IL1RAPL1: variants seen among roughly 807,000 people sequenced by gnomAD.
IL1RAPL1 encodes interleukin-1 receptor accessory protein-like 1.
IL1RAPL1 carries 3 observed loss-of-function variants against 48.4 expected under a neutral mutation model. The observed-to-expected ratio is 0.06, with a 90% CI of 0.03 to 0.16. The LOEUF is 0.16. IL1RAPL1 is among the 10% of genes least tolerant of loss of function. IL1RAPL1 has a pLI of 1.00. For missense variants in IL1RAPL1, 349 were observed against 530.6 expected (o/e 0.66, Z 3.36); for synonymous variants, 185 against 187.7 (o/e 0.99, Z 0.12).
chrX:29,293,594 G>T (rs900507285), intron 3 of IL1RAPL1, among the ~76,000 whole-genome samples: 1 of 111,425 alleles, frequency 9.0e-6, no homozygotes, highest in African/African-American at 3.3e-5. Context: ...TAGGTCAAAT[G>T]AATCACCATA....
rs202166358 is a variant in IL1RAPL1, at chrX:29,080,996, C to CTTTCTTTCTT, written c.83-201941_83-201940insTTCTTTCTTT. Among the ~76,000 whole-genome samples the CTTTCTTTCTT allele has an allele frequency of 8.3e-3, 353 of 42,300 alleles. 3 individuals are homozygous for CTTTCTTTCTT. The highest frequency in any genetic ancestry group is 0.026 in the African/African-American group (237 of 8,948). The allele number at this position is 42,300 out of a possible 115,157, so 36.7% of individuals were successfully genotyped here. A position where few individuals can be genotyped will look rare whatever the true frequency, so the allele number is the denominator to read the frequency against. ...TCTTTCTTTCTTTCTTTCTTTCTTTCTCTCTCTCTCTCTCTCTCTCTCTCT... is the reference window on the plus strand; with the variant it reads ...TCTTTCTTTCTTTCTTTCTTTCTTTCTTTCTTTCTTTCTCTCTCTCTCTCTCTCTCTCTCT... On this transcript the variant is annotated intron_variant, in intron 2 of 10. Coordinates refer to ENST00000378993, the MANE Select transcript of IL1RAPL1 (RefSeq NM_014271.4).
intron 5 of IL1RAPL1, among the ~76,000 whole-genome samples, chrX:29,480,401 C>A (rs889487937): frequency 9.6e-6 from 1 of 104,546 alleles, no homozygotes; most frequent in South Asian, 4.4e-4. Context: ...AAAGAATGTG[C>A]CATCTTGGCC....
chrX:29,672,845 G>A (rs1432085908), intron 6 of IL1RAPL1, among the ~76,000 whole-genome samples: 1 of 111,954 alleles, frequency 8.9e-6, no homozygotes. Flanking sequence ...TCATTGTTAA[G>A]CTTGTTAAAA....
chrX:28,588,933 C>T (rs754560659), intron 1 of IL1RAPL1, among the ~76,000 whole-genome samples: 2 of 112,006 alleles, frequency 1.8e-5, no homozygotes, highest in East Asian at 5.6e-4. Flanking sequence ...CAATTAATTA[C>T]ATACTTCCCC....
At chrX:29,359,249 TCAAGTCACTCATAGTTTGTCTA>T (rs1431485794) in intron 3 of IL1RAPL1, among the ~76,000 whole-genome samples, 5 of 111,817 alleles carry the variant, frequency 4.5e-5, no homozygotes, top group African/African-American at 1.6e-4. Context: ...AAGTCAATCA[TCAAGTCACTCATAGTTTGTCTA>T]CTTAGGGCCT....
intron 2 of IL1RAPL1, among the ~76,000 whole-genome samples, chrX:28,950,707 A>G (rs1284593868): frequency 9.2e-6 from 1 of 108,194 alleles, no homozygotes; most frequent in Admixed American, 1.0e-4. Context: ...TGTGGAAGTC[A>G]GTGTGGCGAT....
chrX:29,248,795 T>A (rs1382471594), intron 2 of IL1RAPL1, among the ~76,000 whole-genome samples: 1 of 112,036 alleles, frequency 8.9e-6, no homozygotes, highest in Non-Finnish European at 1.9e-5. Context: ...AATTCTCAAA[T>A]GTATCTTGCA....
intron 5 of IL1RAPL1, among the ~76,000 whole-genome samples, chrX:29,529,978 C>T (rs1254091765): frequency 1.8e-5 from 2 of 111,685 alleles, no homozygotes; most frequent in African/African-American, 6.5e-5. Context: ...AAATAAACTA[C>T]ACCTAAACAT....
chrX:29,712,536 A>G lies in IL1RAPL1; in HGVS notation c.778+44032A>G, dbSNP rs755668754. ...TGTCTAAATATGAAATTCTATACTCAGGTTGAAAAATTATATTCTATAAAG... is the reference window on the plus strand; with the variant it reads ...TGTCTAAATATGAAATTCTATACTCGGGTTGAAAAATTATATTCTATAAAG... On this transcript the variant is annotated intron_variant, in intron 6 of 10. Coordinates refer to ENST00000378993, the MANE Select transcript of IL1RAPL1 (RefSeq NM_014271.4). Among the ~76,000 whole-genome samples, 3 of 112,228 alleles carry G rather than the reference A, an allele frequency of 2.7e-5. No homozygotes were observed. The Admixed American group carries it at 2.8e-4, about 11-fold the overall frequency.
intron 2 of IL1RAPL1, among the ~76,000 whole-genome samples, chrX:28,972,460 C>T (rs781253323): frequency 6.3e-5 from 7 of 111,278 alleles, no homozygotes; most frequent in East Asian, 2.8e-4. Flanking sequence ...TGCTGTGGGT[C>T]GGGCGCGGTG....
chrX:29,550,403 T>C (rs956607800), intron 5 of IL1RAPL1, among the ~76,000 whole-genome samples: 2 of 110,988 alleles, frequency 1.8e-5, no homozygotes, highest in African/African-American at 3.3e-5. Context: ...ACCGTGGTCT[T>C]GATCTGACCT....
At chrX:29,732,980 T>C (rs748616539) in intron 6 of IL1RAPL1, among the ~76,000 whole-genome samples, 94 of 111,015 alleles carry the variant, frequency 8.5e-4, no homozygotes, top group African/African-American at 3.1e-3. Context: ...TGATATCTTA[T>C]ATTTTATGGA....
chrX:29,596,603 T>G (rs1446650223), intron 5 of IL1RAPL1, among the ~76,000 whole-genome samples: 2 of 112,100 alleles, frequency 1.8e-5, no homozygotes, highest in Non-Finnish European at 3.8e-5. Context: ...CTTTGCTGAA[T>G]TCATTTACCA....
rs763828056 is a variant in IL1RAPL1 at position 29,368,408 on chromosome X, G to T, written c.363-27850G>T. On this transcript the variant is annotated intron_variant, in intron 3 of 10. Transcript: ENST00000378993. ...TTGTTTTTGTTTGTTTTGAGACAAG[G>T]TCTTGCTTTGCCCACCAGGCTGGAG... Among the ~76,000 whole-genome samples, 9 of 111,479 alleles carry T rather than the reference G, an allele frequency of 8.1e-5. No individual in the cohort carries two copies. The South Asian group carries it at 3.3e-3, about 41-fold the overall frequency.
intron 2 of IL1RAPL1, among the ~76,000 whole-genome samples, chrX:29,101,806 G>A (rs187108768): frequency 1.5e-3 from 165 of 110,885 alleles, no homozygotes; most frequent in African/African-American, 5.1e-3. Flanking sequence ...GTATGGTGGC[G>A]GACACCTGTA....
intron 2 of IL1RAPL1, among the ~76,000 whole-genome samples, chrX:28,936,986 C>T (rs984804892): frequency 2.8e-4 from 31 of 111,095 alleles, no homozygotes; most frequent in African/African-American, 9.2e-4. Context: ...TTGGCCCTAA[C>T]GCTGTCAATC....
chrX:29,864,461 G>A (rs1931652399), intron 6 of IL1RAPL1, among the ~76,000 whole-genome samples: 1 of 111,849 alleles, frequency 8.9e-6, no homozygotes, highest in South Asian at 3.7e-4. Context: ...AGAATGGGTT[G>A]TTAGAATGCT....
intron 2 of IL1RAPL1, among the ~76,000 whole-genome samples, chrX:29,004,632 C>T (rs1438172312): frequency 8.9e-6 from 1 of 111,890 alleles, no homozygotes; most frequent in Non-Finnish European, 1.9e-5. Context: ...AATTTTAGTT[C>T]ACATATTTGG....
chrX:29,758,817 A>C (rs2147144445), intron 6 of IL1RAPL1, among the ~76,000 whole-genome samples: 1 of 111,868 alleles, frequency 8.9e-6, no homozygotes, highest in Non-Finnish European at 1.9e-5. Context: ...ACAAACAAAC[A>C]AAAAATACCC....
Sources: allele counts gnomAD v4.1 joint callset (sites outside exome capture counted in the v4.1 genomes callset), GRCh38; gene constraint gnomAD v4.1.1; transcripts MANE v1.5; gene names NCBI Gene and HGNC (gene_info 2026-07-23, HGNC 2026-07-21).